Variants in TMEM192 observed in about 807,000 individuals in gnomAD.
TMEM192 encodes transmembrane protein 192.
In TMEM192, 20 loss-of-function variants were observed where a neutral mutation model predicts 26.7. That is an observed-to-expected ratio of 0.75 (90% CI 0.53 to 1.09). The LOEUF (loss-of-function observed/expected upper bound fraction) is 1.09. Ranked by LOEUF, TMEM192 falls within the 50% of genes least tolerant of loss-of-function variation. TMEM192 has a pLI of 0.00. For missense variants in TMEM192, 304 were observed against 322.6 expected (o/e 0.94, Z 0.44); for synonymous variants, 124 against 121.0 (o/e 1.02, Z -0.16).
At chr4:165,104,987 A>G (rs1378655190) in intron 1 of TMEM192, among the ~76,000 whole-genome samples, 3 of 152,058 alleles carry the variant, frequency 2.0e-5, no homozygotes, top group Admixed American at 6.6e-5. Context: ...CCCTTAGCTA[A>G]TGTCTGTGCA....
At chr4:165,080,629 T>G (rs1385904003) in intron 5 of TMEM192, among the ~76,000 whole-genome samples, 1 of 152,134 alleles carries the variant, frequency 6.6e-6, no homozygotes, top group Non-Finnish European at 1.5e-5. Flanking sequence ...AATGGTCCCA[T>G]GTGAACAAAA....
intron 3 of TMEM192, among the ~76,000 whole-genome samples, chr4:165,092,962 A>G (rs986651651): frequency 6.6e-6 from 1 of 151,970 alleles, no homozygotes; most frequent in Admixed American, 6.6e-5. Context: ...TTAAAAAAAA[A>G]AGTAACAACA....
At chr4:165,092,753 A>T (rs149763480) in intron 3 of TMEM192, among the ~76,000 whole-genome samples, 1 of 152,178 alleles carries the variant, frequency 6.6e-6, no homozygotes, top group African/African-American at 2.4e-5. Flanking sequence ...TGAGCCAAAG[A>T]TCCTTGCTGA....
chr4:165,112,302 C>G lies in TMEM192; in HGVS notation c.27+445G>C, dbSNP rs896201020. Among the ~76,000 whole-genome samples the G allele has an allele frequency of 2.6e-5, 4 of 152,330 alleles. No individual in the cohort carries two copies. The South Asian group carries it at 8.3e-4, about 32-fold the overall frequency. ...CCTCTAGAGCCAAGGCAAGGGACCTCACCAGGAAGGGAGATTCGCCCCCTG... is the reference window on the plus strand; with the variant it reads ...CCTCTAGAGCCAAGGCAAGGGACCTGACCAGGAAGGGAGATTCGCCCCCTG... On this transcript the variant is annotated intron_variant, in intron 1 of 5. Coordinates refer to ENST00000306480, the MANE Select transcript of TMEM192 (RefSeq NM_001100389.2).
chr4:165,097,541 G>C (rs1411446440), intron 3 of TMEM192, among the ~76,000 whole-genome samples: 4 of 121,522 alleles, frequency 3.3e-5, no homozygotes, highest in African/African-American at 1.2e-4. Flanking sequence ...CAGAACAGAA[G>C]AAAAATAAAA....
At chr4:165,079,874 A>G (rs1224495829) in intron 5 of TMEM192, 78 bp from the exon 6 acceptor site, 3 of 1,398,526 alleles carry the variant, frequency 2.1e-6, no homozygotes, top group East Asian at 2.6e-5. Flanking sequence ...AGTACCTACT[A>G]GTTTTTAGTA....
chr4:165,087,746 C>G (rs546377573), intron 4 of TMEM192, among the ~76,000 whole-genome samples: 508 of 152,258 alleles, frequency 3.3e-3, no homozygotes, highest in African/African-American at 0.012. Flanking sequence ...TAGAGACCAT[C>G]CTGGCCAACA....
chr4:165,088,100 G>T (rs1734667601), intron 4 of TMEM192, among the ~76,000 whole-genome samples: 1 of 152,020 alleles, frequency 6.6e-6, no homozygotes, highest in Non-Finnish European at 1.5e-5. Flanking sequence ...TTGTAGAGAT[G>T]GAGTTTCATC....
chr4:165,070,630 T>C lies in TMEM192; in HGVS notation c.*9028A>G, dbSNP rs1306741860. 1.3e-5 allele frequency: 2 copies of C among 152,230 alleles called. No individual in the cohort carries two copies. The highest frequency in any genetic ancestry group is 6.5e-5 in the Admixed American group (1 of 15,270). 9.4% of individuals were successfully genotyped at this position (152,230 alleles called of 1,614,324 possible). A position where few individuals can be genotyped will look rare whatever the true frequency, so the allele number is the denominator to read the frequency against. The stretch of plus-strand genomic sequence containing the variant: ...AACTAGCAGTCTTATCTCTTTTATT[T>C]CTGATATGTTGTTATTTTTTAGTGT... On this transcript the variant is annotated 3_prime_UTR_variant, in exon 6 of 6. Transcript: ENST00000306480.
chr4:165,081,235 CT>C (rs35079183), intron 5 of TMEM192, among the ~76,000 whole-genome samples: 10 of 145,070 alleles, frequency 6.9e-5, no homozygotes, highest in South Asian at 2.2e-4. Context: ...ACCTCCCACT[CT>C]TTTTTTTTTT....
At chr4:165,112,272 C>T (rs534016540) in intron 1 of TMEM192, among the ~76,000 whole-genome samples, 21 of 152,326 alleles carry the variant, frequency 1.4e-4, no homozygotes, top group African/African-American at 5.1e-4. Context: ...ACTCCAAGTC[C>T]ACAGCCTCTA....
chr4:165,104,895 G>C (rs1288653964), intron 1 of TMEM192, among the ~76,000 whole-genome samples: 1 of 152,102 alleles, frequency 6.6e-6, no homozygotes, highest in Admixed American at 6.6e-5. Context: ...GTACAATTCA[G>C]ATTACTCCTG....
At chr4:165,092,373 C>A (rs866715604) in intron 3 of TMEM192, among the ~76,000 whole-genome samples, 1 of 152,104 alleles carries the variant, frequency 6.6e-6, no homozygotes, top group Non-Finnish European at 1.5e-5. Flanking sequence ...CCGCGAGCCT[C>A]GGCCTCCCAA....
At chr4:165,086,565 G>A (rs1734620750) in intron 4 of TMEM192, among the ~76,000 whole-genome samples, 1 of 151,894 alleles carries the variant, frequency 6.6e-6, no homozygotes, top group Admixed American at 6.6e-5. Context: ...GGGATTACAG[G>A]CGTGCACCAC....
chr4:165,091,661 T>G (rs1734766996), intron 3 of TMEM192, among the ~76,000 whole-genome samples: 1 of 151,998 alleles, frequency 6.6e-6, no homozygotes, highest in South Asian at 2.1e-4. Flanking sequence ...AAAATACTCC[T>G]AAATTTTGGG....
rs999025416 is a variant in TMEM192 at position 165,107,024 on chromosome 4, C to CTTTTTT, written c.28-3934_28-3929dup. On this transcript the variant is annotated intron_variant, in intron 1 of 5. Coordinates refer to ENST00000306480, the MANE Select transcript of TMEM192 (RefSeq NM_001100389.2). ...TAACTTCTCAGGATTTTTTTTCTCT[C>CTTTTTT]TTTTTTTTTTCTTTTTTTGAGACAG... Among the ~76,000 whole-genome samples, 34 of 149,236 alleles carry CTTTTTT rather than the reference C, an allele frequency of 2.3e-4. 1 individual carries two copies. Among genetic ancestry groups the CTTTTTT allele is most frequent in the Admixed American group, 6.7e-5 (1 of 14,850 alleles).
chr4:165,095,417 C>T (rs11722740), intron 3 of TMEM192, among the ~76,000 whole-genome samples: 2,141 of 152,286 alleles, frequency 0.014, 33 homozygotes, highest in African/African-American at 0.035. Context: ...CAGGCCCAGA[C>T]ATCAGTGAGG....
intron 3 of TMEM192, among the ~76,000 whole-genome samples, chr4:165,097,354 C>T (rs922183659): frequency 2.0e-5 from 3 of 152,016 alleles, no homozygotes; most frequent in East Asian, 1.9e-4. Context: ...ATTAGCCAGG[C>T]GTGGTGGCGG....
At chr4:165,109,865 T>TA (rs1460501740) in intron 1 of TMEM192, among the ~76,000 whole-genome samples, 1 of 152,250 alleles carries the variant, frequency 6.6e-6, no homozygotes, top group Non-Finnish European at 1.5e-5. Flanking sequence ...ATGTTCTCTA[T>TA]AAAACTGGCC....
Sources: gnomAD v4.1 joint callset for allele counts (sites outside exome capture counted in the v4.1 genomes callset) on GRCh38, gnomAD v4.1.1 for gene constraint, MANE v1.5 for transcripts, NCBI Gene and HGNC (gene_info 2026-07-23, HGNC 2026-07-21) for gene names.